The following KCNIP4 variants were observed in gnomAD, a reference collection of about 807,000 sequenced individuals.
KCNIP4 encodes Kv channel-interacting protein 4.
In KCNIP4, 12 loss-of-function variants were observed where a neutral mutation model predicts 34.0. That is an observed-to-expected ratio of 0.35 (90% CI 0.23 to 0.57). The LOEUF (loss-of-function observed/expected upper bound fraction) is 0.57. Ranked by LOEUF, KCNIP4 falls within the 20% of genes least tolerant of loss-of-function variation. The pLI is 0.83. For synonymous variants in KCNIP4, 124 were observed against 102.2 expected (o/e 1.21, Z -1.29); for missense variants, 238 against 311.7 (o/e 0.76, Z 1.78).
intron 1 of KCNIP4, among the ~76,000 whole-genome samples, chr4:21,277,748 G>A (rs907908335): frequency 6.6e-6 from 1 of 152,238 alleles, no homozygotes; most frequent in Non-Finnish European, 1.5e-5. Flanking sequence ...CACATTTCAA[G>A]GAAATAAAGC....
chr4:21,550,283 A>G (rs906132923), intron 1 of KCNIP4, among the ~76,000 whole-genome samples: 4 of 152,116 alleles, frequency 2.6e-5, no homozygotes, highest in African/African-American at 9.7e-5. Flanking sequence ...TGCTGGTCAG[A>G]TGACTGTGAC....
chr4:21,268,760 A>T (rs1011259025), intron 1 of KCNIP4, among the ~76,000 whole-genome samples: 3 of 152,228 alleles, frequency 2.0e-5, no homozygotes, highest in Admixed American at 1.3e-4. Flanking sequence ...GTTTTGATAG[A>T]GATGGTATTG....
At chr4:20,983,465 G>T (rs1259923542) in intron 1 of KCNIP4, among the ~76,000 whole-genome samples, 1 of 152,098 alleles carries the variant, frequency 6.6e-6, no homozygotes, top group Non-Finnish European at 1.5e-5. Context: ...AATCACTAAT[G>T]ACATTAAGGT....
chr4:21,735,514 A>T (rs1715923988), intron 1 of KCNIP4, among the ~76,000 whole-genome samples: 1 of 152,048 alleles, frequency 6.6e-6, no homozygotes. Flanking sequence ...CCTGTTACCA[A>T]CTCCGTGTTC....
intron 3 of KCNIP4, among the ~76,000 whole-genome samples, chr4:20,781,424 C>A (rs927651843): frequency 2.0e-5 from 3 of 152,108 alleles, no homozygotes; most frequent in Non-Finnish European, 2.9e-5. Flanking sequence ...TATATCAGTC[C>A]ATTTTCCCGC....
At chr4:21,436,157 C>T (rs1405057005) in intron 1 of KCNIP4, among the ~76,000 whole-genome samples, 2 of 152,114 alleles carry the variant, frequency 1.3e-5, no homozygotes, top group Non-Finnish European at 2.9e-5. Flanking sequence ...CAAGTTCTGC[C>T]TTGAAGTAGA....
chr4:21,499,552 A>G (rs1386670722), intron 1 of KCNIP4, among the ~76,000 whole-genome samples: 1 of 151,232 alleles, frequency 6.6e-6, no homozygotes, highest in Admixed American at 6.6e-5. Context: ...AAACTGGAAT[A>G]AAATACTTTC....
At chr4:21,946,295 T>C (rs2109025317) in intron 1 of KCNIP4, among the ~76,000 whole-genome samples, 1 of 152,200 alleles carries the variant, frequency 6.6e-6, no homozygotes, top group East Asian at 1.9e-4. Flanking sequence ...AGTTAGATCT[T>C]CCAGTTAAAT....
rs538305616 is a variant in KCNIP4, at chr4:21,626,912, G to C, written c.61+321659C>G. Among the ~76,000 whole-genome samples, 21 of 151,846 alleles carry C rather than the reference G, an allele frequency of 1.4e-4. No homozygotes were observed. The South Asian group carries it at 4.4e-3, about 32-fold the overall frequency. ...ACTCTTTCAGGTTCCAGTCACTGTT[G>C]TGCAACTGTCTGGCTTACAATCTAT... On this transcript the variant is annotated intron_variant, in intron 1 of 8. Transcript: ENST00000382152.
intron 1 of KCNIP4, among the ~76,000 whole-genome samples, chr4:21,491,289 G>T (rs951975368): frequency 1.3e-5 from 2 of 152,120 alleles, no homozygotes; most frequent in Non-Finnish European, 2.9e-5. Flanking sequence ...TCCTTCATGG[G>T]TTTTTTGCCT....
rs527883869 is a variant in KCNIP4 at position 21,211,237 on chromosome 4, A to G, written c.62-328528T>C. On this transcript the variant is annotated intron_variant, in intron 1 of 8. Transcript: ENST00000382152. Reference sequence around the variant, plus strand: ...GTAAGTTATTATTTCTCCCATATCTATTGCTATATAAACTGTGCACTTTAA... The same window carrying G: ...GTAAGTTATTATTTCTCCCATATCTGTTGCTATATAAACTGTGCACTTTAA... 1.2e-4 allele frequency among the ~76,000 whole-genome samples: 19 copies of G among 152,274 alleles called. No homozygotes were observed. The South Asian group carries it at 3.3e-3, about 27-fold the overall frequency.
At chr4:21,559,653 T>C (rs573870116) in intron 1 of KCNIP4, among the ~76,000 whole-genome samples, 2 of 152,224 alleles carry the variant, frequency 1.3e-5, no homozygotes, top group East Asian at 3.9e-4. Context: ...TTATGGGGTC[T>C]TGAAGGAAGA....
At chr4:21,027,637 C>T (rs78024406) in intron 1 of KCNIP4, among the ~76,000 whole-genome samples, 3,349 of 150,678 alleles carry the variant, frequency 0.022, 58 homozygotes, top group Non-Finnish European at 0.036. Context: ...GTCTTTGTCA[C>T]CAAATCATCC....
rs74714846 is a variant in KCNIP4 at position 21,069,710 on chromosome 4, G to A, written c.62-187001C>T. Among the ~76,000 whole-genome samples, 834 of 152,316 alleles carry A rather than the reference G, an allele frequency of 5.5e-3. 29 individuals are homozygous for A. The East Asian group carries it at 0.11, about 20-fold the overall frequency. ...GATACAGAAAAATAGAAATTTGGAT[G>A]TAGAGCAAATCTTATTTTTTCACTT... On this transcript the variant is annotated intron_variant, in intron 1 of 8. Transcript: ENST00000382152.
At chr4:21,100,395 T>C (rs945141481) in intron 1 of KCNIP4, among the ~76,000 whole-genome samples, 4 of 151,924 alleles carry the variant, frequency 2.6e-5, no homozygotes, top group Non-Finnish European at 5.9e-5. Context: ...TATCAAAAAA[T>C]ACAAAAAATT....
chr4:21,380,541 A>G (rs1721410054), intron 1 of KCNIP4, among the ~76,000 whole-genome samples: 1 of 151,680 alleles, frequency 6.6e-6, no homozygotes, highest in African/African-American at 2.4e-5. Context: ...AGTATAGATC[A>G]CTCTTAATTT....
At chr4:21,613,612 T>C (rs2109153400) in intron 1 of KCNIP4, 1 of 152,282 alleles carries the variant, frequency 6.6e-6, no homozygotes, top group African/African-American at 2.4e-5. Flanking sequence ...TTTGAGGTAA[T>C]TTATTATGTG....
chr4:21,813,410 TACA>T (rs959338284), intron 1 of KCNIP4, among the ~76,000 whole-genome samples: 5 of 152,232 alleles, frequency 3.3e-5, no homozygotes, highest in East Asian at 1.9e-4. Flanking sequence ...TAATAATTTT[TACA>T]ACATCTAGAC....
At chr4:21,431,610 A>G (rs1251076830) in intron 1 of KCNIP4, among the ~76,000 whole-genome samples, 10 of 152,096 alleles carry the variant, frequency 6.6e-5, no homozygotes, top group Non-Finnish European at 1.5e-4. Context: ...TTATCCAGAT[A>G]AGGTTGACAT....
Sources: gnomAD v4.1 joint callset for allele counts (sites outside exome capture counted in the v4.1 genomes callset) on GRCh38, gnomAD v4.1.1 for gene constraint, MANE v1.5 for transcripts, NCBI Gene and HGNC (gene_info 2026-07-23, HGNC 2026-07-21) for gene names.